BOLA3: variants seen among roughly 807,000 people sequenced by gnomAD.
BOLA3 encodes the protein bolA family member 3, also known as bolA-like protein 3.
BOLA3 carries 8 observed loss-of-function variants against 14.5 expected under a neutral mutation model. That is an observed-to-expected ratio of 0.55 (90% CI 0.32 to 0.99). BOLA3 has a LOEUF of 0.99. Among genes scored for constraint, BOLA3 ranks in the 50% least tolerant of loss-of-function variants. The pLI is 0.04. For synonymous variants in BOLA3, 42 were observed against 45.7 expected (o/e 0.92, Z 0.33); for missense variants, 115 against 138.2 (o/e 0.83, Z 0.84).
chr2:74,140,078 G>A (rs1692410733), intron 3 of BOLA3, among the ~76,000 whole-genome samples: 1 of 152,212 alleles, frequency 6.6e-6, no homozygotes, highest in African/African-American at 2.4e-5. Context: ...GAAGTCAGGA[G>A]TTCGAGACCA....
intron 2 of BOLA3, among the ~76,000 whole-genome samples, chr2:74,143,527 C>T (rs1302669058): frequency 6.6e-6 from 1 of 152,068 alleles, no homozygotes; most frequent in Non-Finnish European, 1.5e-5. Context: ...TCAGCCTCAA[C>T]TCCCCTTCTG....
intron 3 of BOLA3, among the ~76,000 whole-genome samples, chr2:74,136,775 A>C (rs1277501058): frequency 1.3e-5 from 2 of 152,212 alleles, no homozygotes; most frequent in African/African-American, 4.8e-5. Flanking sequence ...CTTTAAAATG[A>C]GCAGTTCTTT....
At chr2:74,144,496 G>A (rs760915754) in intron 2 of BOLA3, among the ~76,000 whole-genome samples, 10 of 152,186 alleles carry the variant, frequency 6.6e-5, no homozygotes, top group African/African-American at 2.2e-4. Flanking sequence ...AGCGGCCCAC[G>A]CCACGGGCCG....
At chr2:74,136,667 A>G (rs1364039221) in intron 3 of BOLA3, among the ~76,000 whole-genome samples, 1 of 152,216 alleles carries the variant, frequency 6.6e-6, no homozygotes. Flanking sequence ...GCATCAGCAT[A>G]GTATTCCATT....
chr2:74,144,092 G>A (rs112230503), intron 2 of BOLA3, among the ~76,000 whole-genome samples: 1,932 of 148,804 alleles, frequency 0.013, 35 homozygotes, highest in African/African-American at 0.046. Flanking sequence ...TGCAGCCTCC[G>A]CCTCCCGGGT....
At chr2:74,147,640 G>A (rs1427224796) in intron 1 of BOLA3, 181 bp downstream of exon 1, 7 of 678,940 alleles carry the variant, frequency 1.0e-5, no homozygotes, top group East Asian at 3.0e-5. Flanking sequence ...TTCGAATGCC[G>A]TTGTCGCTGA....
At chr2:74,143,853 ATTTT>A (rs3045552) in intron 2 of BOLA3, among the ~76,000 whole-genome samples, 1 of 139,764 alleles carries the variant, frequency 7.2e-6, no homozygotes. Context: ...TGCCTGGCTA[ATTTT>A]TTTTTTTTTT....
intron 3 of BOLA3, among the ~76,000 whole-genome samples, chr2:74,140,684 T>C (rs1268597768): frequency 6.6e-6 from 1 of 152,164 alleles, no homozygotes; most frequent in Non-Finnish European, 1.5e-5. Flanking sequence ...CCCAGACTGG[T>C]GCAGGTTCCT....
chr2:74,142,263 T>G lies in BOLA3; in HGVS notation c.258+9A>C, dbSNP rs201380456. 496 of 1,603,514 alleles carry G rather than the reference T, an allele frequency of 3.1e-4. 1 individual carries two copies. The African/African-American group carries it at 3.3e-3, about 11-fold the overall frequency. ...GCCAGTGGCAAGGGGCACTGTTGCC[T>G]CTACTGACCTGATTAACCATCTGGT... On this transcript the variant is annotated intron_variant, in intron 3 of 3. Transcript: ENST00000327428.
chr2:74,144,695 A>C (rs1417099427), intron 2 of BOLA3, among the ~76,000 whole-genome samples: 1 of 152,200 alleles, frequency 6.6e-6, no homozygotes, highest in South Asian at 2.1e-4. Context: ...GTCTCCCCTG[A>C]GTCCCGGTTC....
chr2:74,144,490 GC>G (rs1311946311), intron 2 of BOLA3, among the ~76,000 whole-genome samples: 1 of 152,198 alleles, frequency 6.6e-6, no homozygotes, highest in Non-Finnish European at 1.5e-5. Flanking sequence ...CTATCCAGCG[GC>G]CCACGCCACG....
At chr2:74,138,120 A>C (rs1288002172) in intron 3 of BOLA3, among the ~76,000 whole-genome samples, 1 of 152,212 alleles carries the variant, frequency 6.6e-6, no homozygotes, top group Admixed American at 6.5e-5. Context: ...AACACACTAC[A>C]GTCCCTTACA....
At chr2:74,136,822 A>G (rs1692341056) in intron 3 of BOLA3, among the ~76,000 whole-genome samples, 1 of 152,250 alleles carries the variant, frequency 6.6e-6, no homozygotes, top group African/African-American at 2.4e-5. Flanking sequence ...CCCAATGGTC[A>G]GAGCAGGAAA....
intron 3 of BOLA3, among the ~76,000 whole-genome samples, chr2:74,139,952 A>G (rs1273712770): frequency 1.3e-5 from 2 of 152,120 alleles, no homozygotes; most frequent in African/African-American, 4.8e-5. Flanking sequence ...CAGCCTGGGC[A>G]GCATAGTGGA....
intron 2 of BOLA3, among the ~76,000 whole-genome samples, chr2:74,144,488 C>T (rs923190626): frequency 2.0e-5 from 3 of 152,308 alleles, no homozygotes. Flanking sequence ...GCCTATCCAG[C>T]GGCCCACGCC....
intron 3 of BOLA3, among the ~76,000 whole-genome samples, chr2:74,138,210 C>G (rs1483701272): frequency 6.6e-6 from 1 of 152,198 alleles, no homozygotes; most frequent in Admixed American, 6.5e-5. Flanking sequence ...GTGACTTGGC[C>G]GAAGTCCCAT....
intron 3 of BOLA3, among the ~76,000 whole-genome samples, chr2:74,137,963 C>T (rs1205216409): frequency 6.6e-6 from 1 of 152,230 alleles, no homozygotes; most frequent in East Asian, 1.9e-4. Flanking sequence ...CTTACATCCA[C>T]CTTGGCTGGG....
At chr2:74,143,171 T>TC (rs1692478655) in intron 2 of BOLA3, among the ~76,000 whole-genome samples, 1 of 151,988 alleles carries the variant, frequency 6.6e-6, no homozygotes, top group African/African-American at 2.4e-5. Flanking sequence ...TCTTTTTTTT[T>TC]TTGAGATGGA....
At chr2:74,145,742 G>A (rs906388077) in intron 1 of BOLA3, 4 of 232,018 alleles carry the variant, frequency 1.7e-5, no homozygotes, top group South Asian at 5.9e-5. Context: ...CCACTGCCCT[G>A]GATGGTGGGG....
Sources: allele counts gnomAD v4.1 joint callset (sites outside exome capture counted in the v4.1 genomes callset), GRCh38; gene constraint gnomAD v4.1.1; transcripts MANE v1.5; gene names NCBI Gene and HGNC (gene_info 2026-07-23, HGNC 2026-07-21).